Variants in AASDH observed in about 807,000 individuals in gnomAD.
AASDH encodes beta-alanine-activating enzyme.
A neutral mutation model predicts 102.3 loss-of-function variants in AASDH; 81 were observed. That is an observed-to-expected ratio of 0.79 (90% confidence interval 0.66 to 0.95). The LOEUF is 0.95. Among genes scored for constraint, AASDH ranks in the 40% least tolerant of loss-of-function variants. AASDH has a pLI of 0.00. For missense variants in AASDH, 1,203 were observed against 1,266.2 expected, an observed-to-expected ratio of 0.95 and a Z score of 0.76; for synonymous variants, 398 against 454.0, an observed-to-expected ratio of 0.88 and a Z score of 1.57.
At chr4:56,344,093 A>G (rs1748043203) in intron 12 of AASDH, among the ~76,000 whole-genome samples, 1 of 152,086 alleles carries the variant, frequency 6.6e-6, no homozygotes, top group African/African-American at 2.4e-5. Context: ...TTCTCTCTCT[A>G]CCTTATCATT....
At chr4:56,378,882 TTTATTTA>T (rs1752657641) in intron 3 of AASDH, among the ~76,000 whole-genome samples, 1 of 151,424 alleles carries the variant, frequency 6.6e-6, no homozygotes. Flanking sequence ...TCTTTATTTT[TTTATTTA>T]TTTTTTTTTT....
In AASDH at chr4:56,356,211, T is replaced by C. The variant is rs185810699; in HGVS notation, c.862-788A>G. On this transcript the variant is annotated intron_variant, in intron 5 of 14. Coordinates refer to ENST00000205214, the MANE Select transcript of AASDH (RefSeq NM_181806.4). The stretch of plus-strand genomic sequence containing the variant: ...GTGAAGAAGCAGGAGGACAAGAAAG[T>C]GGTGAATCCCCTGTTTGAGAAAAGG... 4.0e-4 allele frequency: 300 copies of C among 752,686 alleles called. 1 individual carries two copies. In the East Asian group the frequency reaches 7.1e-3, roughly 18 times the overall value. The allele number at this position is 752,686 out of a possible 1,614,324, so 46.6% of individuals were successfully genotyped here. A position where few individuals can be genotyped will look rare whatever the true frequency, so the allele number is the denominator to read the frequency against.
chr4:56,359,112 G>T (rs1345474532), intron 5 of AASDH, among the ~76,000 whole-genome samples: 45 of 145,932 alleles, frequency 3.1e-4, no homozygotes, highest in South Asian at 8.7e-4. Context: ...GTTGTTTTTG[G>T]TTTTTTTTTT....
intron 1 of AASDH, among the ~76,000 whole-genome samples, chr4:56,386,048 A>G (rs1228401175): frequency 2.0e-5 from 3 of 152,158 alleles, no homozygotes; most frequent in Non-Finnish European, 2.9e-5. Context: ...AGTAAAATGA[A>G]CCAATAACTG....
chr4:56,355,091 T>C, intron 6 of AASDH, 91 bp downstream of exon 6: 1 of 1,393,090 alleles, frequency 7.2e-7, no homozygotes, highest in Non-Finnish European at 9.6e-7. Context: ...TCTAAAATTA[T>C]TACCCCAGCA....
intron 5 of AASDH, among the ~76,000 whole-genome samples, chr4:56,368,548 G>A (rs892271858): frequency 6.6e-6 from 1 of 151,882 alleles, no homozygotes; most frequent in Non-Finnish European, 1.5e-5. Flanking sequence ...CATAAAAAAT[G>A]ATGAGTTCAT....
At chr4:56,351,693 A>G (rs920580478) in intron 9 of AASDH, among the ~76,000 whole-genome samples, 2 of 152,138 alleles carry the variant, frequency 1.3e-5, no homozygotes, top group Non-Finnish European at 2.9e-5. Context: ...ACACTTTGGG[A>G]GGCTGAGGTG....
At chr4:56,363,194 C>G (rs535445030) in intron 5 of AASDH, among the ~76,000 whole-genome samples, 5 of 152,178 alleles carry the variant, frequency 3.3e-5, no homozygotes, top group Non-Finnish European at 7.3e-5. Flanking sequence ...CCACCATCGC[C>G]GAGGCTTGAG....
rs1478789445 is a variant in AASDH at position 56,365,614 on chromosome 4, T to A, written c.861+5837A>T. 1.1e-4 allele frequency among the ~76,000 whole-genome samples: 16 copies of A among 152,178 alleles called. 1 individual carries two copies. The South Asian group carries it at 3.3e-3, about 32-fold the overall frequency. Reference sequence around the variant, plus strand: ...GGAAACTGAACAACCTGCTCCTGAATGACTACTGGGTACATAATGAAATGA... The same window carrying A: ...GGAAACTGAACAACCTGCTCCTGAAAGACTACTGGGTACATAATGAAATGA... On this transcript the variant is annotated intron_variant, in intron 5 of 14. Transcript: ENST00000205214.
At chr4:56,344,994 T>C in intron 12 of AASDH, 133 bp downstream of exon 12, 2 of 639,904 alleles carry the variant, frequency 3.1e-6, no homozygotes, top group Non-Finnish European at 5.0e-6. Context: ...CAGGGTGGAA[T>C]ACACTGTCAC....
intron 2 of AASDH, among the ~76,000 whole-genome samples, chr4:56,383,650 T>C (rs185349143): frequency 6.6e-6 from 1 of 152,338 alleles, no homozygotes; most frequent in African/African-American, 2.4e-5. Flanking sequence ...CTATATCAAC[T>C]ATTATCCAAA....
rs1403695426 is a variant in AASDH, at chr4:56,351,463, T to C, written c.1577-6A>G. 1 of 1,421,946 alleles carries C rather than the reference T, an allele frequency of 7.0e-7. No individual in the cohort carries two copies. Among genetic ancestry groups the C allele is most frequent in the South Asian group, 1.2e-5 (1 of 80,588 alleles). 88.1% of individuals were successfully genotyped at this position (1,421,946 alleles called of 1,614,324 possible). A position where few individuals can be genotyped will look rare whatever the true frequency, so the allele number is the denominator to read the frequency against. On this transcript the variant is annotated splice_polypyrimidine_tract_variant and splice_region_variant and intron_variant, in intron 9 of 14. Transcript: ENST00000205214. ...CTCAGAAACATCAATTTTGCCTTAA[T>C]ATAAAAGAGAAATAACAAATGTTTT...
At chr4:56,379,060 AT>A (rs767199224) in intron 3 of AASDH, among the ~76,000 whole-genome samples, 125 of 150,948 alleles carry the variant, frequency 8.3e-4, no homozygotes, top group African/African-American at 3.0e-3. Flanking sequence ...ATGTTTTTGT[AT>A]TTTTTTTAGC....
chr4:56,345,263 A>G lies in AASDH; in HGVS notation c.2516T>C (p.Leu839Pro), dbSNP rs763003258. Residue 839 changes from leucine (L) to proline (P), a missense_variant, in exon 12 of 15, where the codon CTG becomes CCG. By Grantham distance (98) the Leu-to-Pro change is moderately conservative. Transcript: ENST00000205214. ...VGCYNGLVYV[L>P]KSNSGEKYWM... is the part of the protein sequence containing the mutation. Reference sequence around the variant, plus strand: ...GTATTTTTCTCCACTATTACTTTTCAGAACATAAACTAATCCATTATAACA... The same window carrying G: ...GTATTTTTCTCCACTATTACTTTTCGGAACATAAACTAATCCATTATAACA... The G allele has an allele frequency of 6.2e-7, 1 of 1,613,618 alleles. No homozygotes were observed. The highest frequency in any genetic ancestry group is 8.5e-7 in the Non-Finnish European group (1 of 1,179,564).
Position 56,338,412 on chromosome 4 carries a change from TTGCCACCC to T in AASDH, c.3279_3286del (p.Gly1094SerfsTer?), listed in dbSNP as rs1391388165. The T allele has an allele frequency of 2.5e-6, 4 of 1,613,200 alleles. No individual in the cohort carries two copies. The highest frequency in any genetic ancestry group is 2.5e-6 in the Non-Finnish European group (3 of 1,179,700). On this transcript the variant is annotated frameshift_variant, in exon 15 of 15. Transcript: ENST00000205214. LOFTEE classifies it high-confidence loss of function. Reference sequence around the variant, plus strand: ...AAGGACTGTATTTGATTATTTTTGATTGCCACCCAATAAATCCAGACAATAAACATAAT... The same window carrying T: ...AAGGACTGTATTTGATTATTTTTGATAATAAATCCAGACAATAAACATAAT...
At chr4:56,342,755 A>G (rs908813808) in intron 14 of AASDH, 80 bp downstream of exon 14, 1 of 568,552 alleles carries the variant, frequency 1.8e-6, no homozygotes. Context: ...ATAGATATAT[A>G]AAATTTCTAG....
chr4:56,378,186 C>T lies in AASDH; in HGVS notation c.630G>A (p.Val210=). Residue 210 remains valine (V), a synonymous_variant, in exon 4 of 15, where the codon GTG becomes GTA. Coordinates refer to ENST00000205214, the MANE Select transcript of AASDH (RefSeq NM_181806.4). The part of the protein sequence containing the change: ...GTTGIPKIVR[V]PHKCIVPNIQ... Reference sequence around the variant, plus strand: ...TATTTGGTACTATACACTTATGAGGCACTCTGACAATCTTCGGTATCCCTG... The same window carrying T: ...TATTTGGTACTATACACTTATGAGGTACTCTGACAATCTTCGGTATCCCTG... 4 of 1,612,908 alleles carry T rather than the reference C, an allele frequency of 2.5e-6. No homozygotes were observed. Among genetic ancestry groups the T allele is most frequent in the Non-Finnish European group, 3.4e-6 (4 of 1,179,638 alleles).
chr4:56,384,379 T>C, intron 1 of AASDH, 38 bp from the exon 2 acceptor site: 1 of 1,267,964 alleles, frequency 7.9e-7, no homozygotes, highest in Non-Finnish European at 1.1e-6. Flanking sequence ...AGAGGGAGTT[T>C]TAGAGAGCTC....
At chr4:56,371,688 G>C (rs910221426) in intron 4 of AASDH, 45 bp from the exon 5 acceptor site, 1 of 1,512,282 alleles carries the variant, frequency 6.6e-7, no homozygotes, top group African/African-American at 1.4e-5. Context: ...CAAACATTCA[G>C]TAAGCACATA....
Sources: allele counts gnomAD v4.1 joint callset (sites outside exome capture counted in the v4.1 genomes callset), GRCh38; gene constraint gnomAD v4.1.1; transcripts MANE v1.5; gene names NCBI Gene and HGNC (gene_info 2026-07-23, HGNC 2026-07-21).